The following SIN3A variants were observed in gnomAD, a reference collection of about 807,000 sequenced individuals.
SIN3A encodes the protein paired amphipathic helix protein Sin3a.
In SIN3A, 14 loss-of-function variants were observed where a neutral mutation model predicts 146.1. The observed-to-expected ratio is 0.10, with a 90% CI of 0.06 to 0.15. SIN3A has a LOEUF of 0.15. SIN3A is among the 10% of genes least tolerant of loss of function. The pLI, the probability that SIN3A is intolerant of heterozygous loss-of-function variation, is 1.00. For missense variants in SIN3A, 1,028 were observed against 1,576.0 expected, an observed-to-expected ratio of 0.65 and a Z score of 5.89; for synonymous variants, 572 against 572.0, an observed-to-expected ratio of 1.00 and a Z score of 0.00.
At chr15:75,435,165 G>C (rs1007089875) in intron 1 of SIN3A, among the ~76,000 whole-genome samples, 1 of 151,800 alleles carries the variant, frequency 6.6e-6, no homozygotes, top group African/African-American at 2.4e-5. Flanking sequence ...TTATCCACGA[G>C]TATAAGAAAT....
At chr15:75,415,705 G>C (rs1275015139) in intron 3 of SIN3A, 3 of 162,002 alleles carry the variant, frequency 1.9e-5, no homozygotes, top group African/African-American at 7.2e-5. Flanking sequence ...ACAAAAATTA[G>C]CCAGGCATGG....
In SIN3A at chr15:75,371,923, T is replaced by C. The variant is rs564424171; in HGVS notation, c.*56A>G. ...CTTGTTTCTTCAGTGTGTGAGTGCA[T>C]AGGCCCACACACACATCCCCACACA... On this transcript the variant is annotated 3_prime_UTR_variant, in exon 21 of 21. Transcript: ENST00000394947. 23 of 1,471,584 alleles carry C rather than the reference T, an allele frequency of 1.6e-5. No homozygotes were observed. The East Asian group carries it at 2.0e-4, about 13-fold the overall frequency. 91.2% of individuals were successfully genotyped at this position (1,471,584 alleles called of 1,614,324 possible).
At chr15:75,383,059 G>GCCTGGACAA (rs367800955) in intron 17 of SIN3A, among the ~76,000 whole-genome samples, 26 of 151,592 alleles carry the variant, frequency 1.7e-4, no homozygotes, top group Admixed American at 1.2e-3. Context: ...TGCACTCCAA[G>GCCTGGACAA]CCTGGACAAC....
chr15:75,426,946 T>G (rs1265080631), intron 2 of SIN3A, among the ~76,000 whole-genome samples: 1 of 151,498 alleles, frequency 6.6e-6, no homozygotes, highest in African/African-American at 2.4e-5. Context: ...AAAAGTAAAT[T>G]TAGATAGCTA....
intron 1 of SIN3A, among the ~76,000 whole-genome samples, chr15:75,451,203 C>T (rs1288442747): frequency 7.4e-6 from 1 of 135,196 alleles, no homozygotes; most frequent in Non-Finnish European, 1.6e-5. Flanking sequence ...CGAGAGCCCG[C>T]CCCCCTCCGC....
At chr15:75,409,774 G>C (rs2073595417) in intron 8 of SIN3A, 62 bp downstream of exon 8, 1 of 1,537,890 alleles carries the variant, frequency 6.5e-7, no homozygotes, top group Non-Finnish European at 8.9e-7. Flanking sequence ...ACCACCTCTA[G>C]AGTACCTCTC....
intron 2 of SIN3A, among the ~76,000 whole-genome samples, chr15:75,424,219 G>C (rs543694275): frequency 6.6e-6 from 1 of 152,014 alleles, no homozygotes; most frequent in East Asian, 1.9e-4. Flanking sequence ...GATCACCTGA[G>C]GTTGGGAGTT....
chr15:75,406,666 C>T (rs538125906), intron 9 of SIN3A, among the ~76,000 whole-genome samples: 32 of 151,958 alleles, frequency 2.1e-4, no homozygotes, highest in Admixed American at 1.2e-3. Context: ...CCAGCCTGGG[C>T]GACAGCGAGA....
intron 13 of SIN3A, 38 bp downstream of exon 13, chr15:75,396,220 A>C: frequency 7.2e-7 from 1 of 1,396,742 alleles, no homozygotes; most frequent in African/African-American, 1.4e-5. Context: ...CCGGTAGTGA[A>C]GTACACTAAA....
chr15:75,375,800 G>A lies in SIN3A; in HGVS notation c.3456C>T (p.Ser1152=). The A allele has an allele frequency of 6.2e-7, 1 of 1,614,126 alleles. No homozygotes were observed. Among genetic ancestry groups the A allele is most frequent in the Non-Finnish European group, 8.5e-7 (1 of 1,180,016 alleles). Residue 1152 remains serine, a synonymous_variant, in exon 20 of 21, where the codon AGC becomes AGT. Coordinates refer to ENST00000394947, the MANE Select transcript of SIN3A (RefSeq NM_001145358.2). ...QQEKEGKEGN[S]KKTMENVDSL... is the part of the protein sequence containing the mutation. Reference sequence around the variant, plus strand: ...TATCCACATTCTCCATGGTCTTCTTGCTGTTTCCTTCCTTCCCTTCCTTTT... The same window carrying A: ...TATCCACATTCTCCATGGTCTTCTTACTGTTTCCTTCCTTCCCTTCCTTTT...
At chr15:75,384,111 T>C (rs1293781376) in intron 17 of SIN3A, 153 bp downstream of exon 17, 3 of 476,364 alleles carry the variant, frequency 6.3e-6, no homozygotes, top group African/African-American at 2.0e-5. Context: ...AGGAAGACAA[T>C]TACTTCCACT....
At chr15:75,400,463 G>T (rs533227717) in intron 11 of SIN3A, among the ~76,000 whole-genome samples, 10 of 152,180 alleles carry the variant, frequency 6.6e-5, no homozygotes, top group African/African-American at 2.4e-4. Context: ...GAAGGCATGT[G>T]TAAGTCCCAG....
chr15:75,409,882 C>A lies in SIN3A; in HGVS notation c.1271G>T (p.Gly424Val). ...TGTAGGATGTCTGCGGATCTGGCAG[C>A]CATTCTGGCTGGGCCTCTGCGGCTT... ...NNKPQRPSQN[G>V]CQIRRHPTGT... is the part of the protein sequence containing the mutation. The change falls in exon 8 of 21, where the codon GGC (glycine) becomes GTC (valine). Residue 424 changes from glycine (G) to valine (V), a missense_variant. Gly to Val is a moderately radical substitution (Grantham distance 109). Coordinates refer to ENST00000394947, the MANE Select transcript of SIN3A (RefSeq NM_001145358.2). 6.2e-7 allele frequency: 1 copy of A among 1,613,632 alleles called. No individual in the cohort carries two copies. The highest frequency in any genetic ancestry group is 8.5e-7 in the Non-Finnish European group (1 of 1,180,020).
intron 1 of SIN3A, among the ~76,000 whole-genome samples, chr15:75,443,403 C>G (rs1262218367): frequency 6.6e-6 from 1 of 152,174 alleles, no homozygotes; most frequent in African/African-American, 2.4e-5. Flanking sequence ...TATCTCCCAA[C>G]TTCTTTTATA....
intron 9 of SIN3A, among the ~76,000 whole-genome samples, chr15:75,406,379 A>G (rs895318681): frequency 1.3e-5 from 2 of 152,220 alleles, no homozygotes; most frequent in Non-Finnish European, 2.9e-5. Flanking sequence ...ACAAATAACT[A>G]TCACAGCAAT....
rs1567371032 is a variant in SIN3A, at chr15:75,412,874, G to A, written c.645C>T (p.Gly215=). 6.2e-7 allele frequency: 1 copy of A among 1,613,616 alleles called. No homozygotes were observed. The highest frequency in any genetic ancestry group is 1.1e-5 in the South Asian group (1 of 90,994). ...GTGGTGGTTGAGGCTGTGGCTGGAT[G>A]CCATGGGTGGGAATCTGATGAACCT... is the stretch of plus-strand genomic sequence containing the variant. ...PGQVHQIPTH[G]IQPQPQPPPQ... Residue 215 remains glycine, a synonymous_variant, in exon 5 of 21, where the codon GGC becomes GGT. Coordinates refer to ENST00000394947, the MANE Select transcript of SIN3A (RefSeq NM_001145358.2).
intron 1 of SIN3A, among the ~76,000 whole-genome samples, chr15:75,434,430 A>G (rs1157466691): frequency 6.6e-6 from 1 of 151,924 alleles, no homozygotes; most frequent in African/African-American, 2.4e-5. Context: ...CAGGCGGATC[A>G]CTTGAGGTCA....
chr15:75,392,342 A>C lies in SIN3A; in HGVS notation c.2751T>G (p.Ile917Met). The change falls in exon 15 of 21, where the codon ATT (isoleucine) becomes ATG (methionine). Residue 917 changes from isoleucine to methionine, a missense_variant. Around this residue, in one of 9 missense-constraint regions of SIN3A, gnomAD observed 488 missense variants for 690.2 expected, o/e 0.71. Transcript: ENST00000394947. ...ATTCTCTCTCTCGGTTTTCTTCTTC[A>C]ATTTGCCGTTCGGCTTGGGAACAAA... ...LRICSQAERQIEEENREREWE... is the reference protein window; with the variant it reads ...LRICSQAERQMEEENREREWE... The C allele has an allele frequency of 1.2e-6, 2 of 1,614,164 alleles. No individual in the cohort carries two copies. Among genetic ancestry groups the C allele is most frequent in the Non-Finnish European group, 1.7e-6 (2 of 1,180,026 alleles).
At chr15:75,408,811 T>C (rs1199231682) in intron 8 of SIN3A, among the ~76,000 whole-genome samples, 2 of 152,188 alleles carry the variant, frequency 1.3e-5, no homozygotes, top group Admixed American at 6.5e-5. Context: ...AAAAAACACA[T>C]GCACTCTACT....
Sources: gnomAD v4.1 joint callset for allele counts (sites outside exome capture counted in the v4.1 genomes callset) on GRCh38, gnomAD v4.1.1 for gene constraint, gnomAD v4.1.1 regional missense constraint, MANE v1.5 for transcripts, NCBI Gene and HGNC (gene_info 2026-07-23, HGNC 2026-07-21) for gene names.